EIF3L: variants seen among roughly 807,000 people sequenced by gnomAD.
EIF3L encodes eIEF associated protein HSPC021.
Under a neutral mutation model 74.6 loss-of-function variants are expected in EIF3L, and 32 were observed. The observed-to-expected ratio is 0.43, with a 90% CI of 0.32 to 0.58. The LOEUF (loss-of-function observed/expected upper bound fraction) is 0.58, where lower values mean the gene tolerates loss of function less well. Among genes scored for constraint, EIF3L ranks in the 20% least tolerant of loss-of-function variants. The pLI, the probability that EIF3L is intolerant of heterozygous loss-of-function variation, is 0.06. For missense variants in EIF3L, 474 were observed against 707.8 expected (o/e 0.67, Z 3.75); for synonymous variants, 256 against 254.4 (o/e 1.01, Z -0.06).
At chr22:37,862,864 A>G (rs573279385) in intron 5 of EIF3L, 105 bp from the exon 6 acceptor site, 2 of 817,368 alleles carry the variant, frequency 2.4e-6, no homozygotes, top group South Asian at 1.7e-5. Context: ...AAGAGAGGAC[A>G]GATACCAATT....
intron 4 of EIF3L, among the ~76,000 whole-genome samples, chr22:37,857,920 G>T (rs942040221): frequency 3.3e-5 from 5 of 151,986 alleles, no homozygotes; most frequent in African/African-American, 1.2e-4. Context: ...CTGTAATTCT[G>T]GTACTTTGGG....
intron 2 of EIF3L, among the ~76,000 whole-genome samples, chr22:37,850,294 T>C (rs1275553095): frequency 1.3e-5 from 2 of 152,194 alleles, no homozygotes; most frequent in East Asian, 3.8e-4. Context: ...GGTTTTCTTG[T>C]GTAAACTATT....
chr22:37,872,254 A>AG (rs1926516732), intron 8 of EIF3L, among the ~76,000 whole-genome samples: 1 of 152,044 alleles, frequency 6.6e-6, no homozygotes, highest in East Asian at 1.9e-4. Context: ...GGATATAGAA[A>AG]GGAAGGATTA....
chr22:37,887,621 G>A lies in EIF3L; in HGVS notation c.1656+776G>A, dbSNP rs1362877214. On this transcript the variant is annotated intron_variant, in intron 12 of 12. Transcript: ENST00000652021. Reference sequence around the variant, plus strand: ...CAAGCTAGACTGGCTGGCTGCTTGGGGTTTGGGGAGTGGGGTTGGGCCTGT... The same window carrying A: ...CAAGCTAGACTGGCTGGCTGCTTGGAGTTTGGGGAGTGGGGTTGGGCCTGT... The A allele has an allele frequency of 2.0e-5, 3 of 152,544 alleles. No homozygotes were observed. The East Asian group carries it at 5.8e-4, about 29-fold the overall frequency. The allele number at this position is 152,544 out of a possible 1,614,324, so 9.4% of individuals were successfully genotyped here. A position where few individuals can be genotyped will look rare whatever the true frequency, so the allele number is the denominator to read the frequency against.
intron 1 of EIF3L, 47 bp from the exon 2 acceptor site, chr22:37,849,968 A>T (rs768160611): frequency 2.5e-5 from 40 of 1,610,382 alleles, no homozygotes; most frequent in Non-Finnish European, 3.1e-5. Context: ...GAGCGTTTTG[A>T]ATTCACGACT....
At position 37,875,979 on chromosome 22, in the gene EIF3L, A is replaced by G. The variant is rs773983015; in HGVS notation, c.1045A>G (p.Met349Val). ...CCTCTACATCCAGAGGACCAAGAGC[A>G]TGTTCCAGAGGACCACGTACAAGTA... Reference protein sequence around the residue: ...ILLYIQRTKSMFQRTTYKYEM... With the variant: ...ILLYIQRTKSVFQRTTYKYEM... Residue 349 changes from methionine to valine, a missense_variant, in exon 10 of 13, where the codon ATG becomes GTG. By Grantham distance (21) the Met-to-Val change is conservative (BLOSUM62 1). This residue lies in a region of EIF3L where 293 missense variants were observed against 469.1 expected (regional missense o/e 0.62). Transcript: ENST00000652021. 1.2e-6 allele frequency: 2 copies of G among 1,614,010 alleles called. No homozygotes were observed. The highest frequency in any genetic ancestry group is 1.7e-6 in the Non-Finnish European group (2 of 1,180,010).
chr22:37,856,643 G>A (rs1424755210), intron 4 of EIF3L, among the ~76,000 whole-genome samples: 4 of 151,904 alleles, frequency 2.6e-5, no homozygotes, highest in Admixed American at 2.0e-4. Context: ...TCGGGAGTTC[G>A]AGACCAGCCT....
intron 5 of EIF3L, 21 bp downstream of exon 5, chr22:37,858,761 G>T: frequency 7.0e-7 from 1 of 1,419,538 alleles, no homozygotes; most frequent in Non-Finnish European, 9.5e-7. Flanking sequence ...AAGTGTCGCA[G>T]TTTTTTTTTT....
At chr22:37,877,291 T>G in intron 10 of EIF3L, 1 of 190,506 alleles carries the variant, frequency 5.2e-6, no homozygotes, top group Non-Finnish European at 1.1e-5. Flanking sequence ...TGGCCCGTTG[T>G]TGACTGAAAC....
intron 7 of EIF3L, among the ~76,000 whole-genome samples, chr22:37,865,503 T>C (rs1329361078): frequency 1.3e-5 from 2 of 152,104 alleles, no homozygotes; most frequent in South Asian, 2.1e-4. Flanking sequence ...TGACAAAATA[T>C]AATTCTTTTC....
chr22:37,870,986 T>C (rs2145826015), intron 8 of EIF3L, among the ~76,000 whole-genome samples: 1 of 152,078 alleles, frequency 6.6e-6, no homozygotes, highest in African/African-American at 2.4e-5. Context: ...TGACTGAGCA[T>C]GGTGGGTGGG....
chr22:37,875,162 A>G (rs1279605645), intron 9 of EIF3L, among the ~76,000 whole-genome samples: 1 of 148,962 alleles, frequency 6.7e-6, no homozygotes, highest in Non-Finnish European at 1.5e-5. Context: ...TGAGGTCAGG[A>G]GTTCGAGACC....
At chr22:37,883,778 G>A (rs1927181842) in intron 11 of EIF3L, 1 of 152,076 alleles carries the variant, frequency 6.6e-6, no homozygotes, top group Non-Finnish European at 1.5e-5. Flanking sequence ...GCTGAGTGTG[G>A]GGGCGCATGC....
At chr22:37,868,288 T>TC (rs1399136393) in intron 7 of EIF3L, among the ~76,000 whole-genome samples, 1 of 150,770 alleles carries the variant, frequency 6.6e-6, no homozygotes, top group Non-Finnish European at 1.5e-5. Flanking sequence ...TAATTTTTTT[T>TC]TTTTTTTTGC....
intron 11 of EIF3L, chr22:37,885,459 CTTTT>C (rs1274647209): frequency 2.7e-5 from 4 of 149,752 alleles, no homozygotes; most frequent in Non-Finnish European, 4.4e-5. Flanking sequence ...TTTTTTTTTC[CTTTT>C]TGACTCTTCA....
chr22:37,852,883 C>T (rs959748116), intron 3 of EIF3L, among the ~76,000 whole-genome samples: 6 of 152,034 alleles, frequency 3.9e-5, no homozygotes, highest in African/African-American at 1.2e-4. Context: ...AAACCTTGTT[C>T]GGAGGTTGAA....
chr22:37,866,423 T>G (rs1161624266), intron 7 of EIF3L, among the ~76,000 whole-genome samples: 1 of 152,150 alleles, frequency 6.6e-6, no homozygotes, highest in Non-Finnish European at 1.5e-5. Context: ...TACCTAGAAG[T>G]AGAATTGTGG....
chr22:37,885,642 T>C (rs1334105232), intron 11 of EIF3L: 1 of 123,306 alleles, frequency 8.1e-6, no homozygotes, highest in East Asian at 2.1e-4. Flanking sequence ...GAGCATAAAC[T>C]TTTTTTTTTT....
At chr22:37,869,381 T>C (rs534132770) in intron 7 of EIF3L, among the ~76,000 whole-genome samples, 167 of 152,264 alleles carry the variant, frequency 1.1e-3, no homozygotes, top group African/African-American at 3.8e-3. Context: ...TCTGCCCACC[T>C]CAGTTTCCCA....
Sources: allele counts gnomAD v4.1 joint callset (sites outside exome capture counted in the v4.1 genomes callset), GRCh38; gene constraint gnomAD v4.1.1; regional missense constraint gnomAD v4.1.1; transcripts MANE v1.5; gene names NCBI Gene and HGNC (gene_info 2026-07-23, HGNC 2026-07-21).